LINGO1: variants seen among roughly 807,000 people sequenced by gnomAD.
LINGO1 encodes the protein leucine-rich repeat and immunoglobulin-like domain-containing nogo receptor-interacting protein 1.
LINGO1 carries 11 observed loss-of-function variants against 37.3 expected under a neutral mutation model. That is an observed-to-expected ratio of 0.29 (90% CI 0.19 to 0.49). The LOEUF (loss-of-function observed/expected upper bound fraction) is 0.49, where lower values mean the gene tolerates loss of function less well. Among genes scored for constraint, LINGO1 ranks in the 20% least tolerant of loss-of-function variants. The probability of loss-of-function intolerance (pLI) is 0.99; values close to 1 mark genes in which losing one functional copy is unlikely to be tolerated. For missense variants in LINGO1, 585 were observed against 878.2 expected (o/e 0.67, Z 4.22); for synonymous variants, 387 against 403.0 (o/e 0.96, Z 0.48).
chr15:77,801,486 C>T (rs1378340005), intron 1 of LINGO1, among the ~76,000 whole-genome samples: 1 of 152,222 alleles, frequency 6.6e-6, no homozygotes, highest in Non-Finnish European at 1.5e-5. Flanking sequence ...TTACAGCAAT[C>T]ACCTCCGAGC....
rs139926886 is a variant in LINGO1 at position 77,703,113 on chromosome 15, G to A, written c.-194-12212C>T. On this transcript the variant is annotated intron_variant, in intron 2 of 3. Transcript: ENST00000561686. ...TGAAGCAAACTGCTCTGTCCATCTC[G>A]CAGGCTCGCAGATAAGCCACGGCAA... 2.0e-4 allele frequency among the ~76,000 whole-genome samples: 31 copies of A among 152,272 alleles called. 1 individual carries two copies. The highest frequency in any genetic ancestry group is 7.2e-4 in the African/African-American group (30 of 41,554).
chr15:77,807,437 A>G (rs1157379347), intron 1 of LINGO1, among the ~76,000 whole-genome samples: 1 of 152,242 alleles, frequency 6.6e-6, no homozygotes, highest in African/African-American at 2.4e-5. Flanking sequence ...CGGGTGCAGC[A>G]GCCAGTCCTG....
chr15:77,770,622 CTG>C (rs2076575963), intron 1 of LINGO1, among the ~76,000 whole-genome samples: 1 of 144,456 alleles, frequency 6.9e-6, no homozygotes, highest in Admixed American at 6.8e-5. Context: ...GATATGGAAA[CTG>C]AGGCTCTGAG....
upstream of LINGO1, among the ~76,000 whole-genome samples, chr15:77,699,776 C>CATCTGCACACAGTAAGCACATA (rs1567532401): frequency 0.012 from 2 of 172 alleles, no homozygotes; most frequent in African/African-American, 0.016. Context: ...AACCATCATT[C>CATCTGCACACAGTAAGCACATA]CCCCCCTCTA....
At chr15:77,743,214 C>T (rs1285426226) in intron 1 of LINGO1, among the ~76,000 whole-genome samples, 3 of 152,146 alleles carry the variant, frequency 2.0e-5, no homozygotes, top group East Asian at 1.9e-4. Flanking sequence ...AGCACCTTTC[C>T]CTCCTCCCTC....
At chr15:77,724,422 G>A (rs1049773117) in intron 2 of LINGO1, among the ~76,000 whole-genome samples, 3 of 152,312 alleles carry the variant, frequency 2.0e-5, no homozygotes, top group African/African-American at 7.2e-5. Context: ...TATCAGGTCT[G>A]TGGGCCCTTT....
intron 2 of LINGO1, among the ~76,000 whole-genome samples, chr15:77,721,213 C>T (rs36067074): frequency 0.12 from 18,116 of 152,018 alleles, 1,392 homozygotes; most frequent in African/African-American, 0.21. Context: ...TCGTGAGACC[C>T]GGCCCTAACC....
intron 2 of LINGO1, among the ~76,000 whole-genome samples, chr15:77,730,113 C>T (rs2076140822): frequency 6.6e-6 from 1 of 151,912 alleles, no homozygotes; most frequent in Non-Finnish European, 1.5e-5. Context: ...AGGCCCCAGC[C>T]CTGTCCCTCT....
At chr15:77,775,963 A>T (rs894907802) in intron 1 of LINGO1, among the ~76,000 whole-genome samples, 3 of 151,834 alleles carry the variant, frequency 2.0e-5, no homozygotes, top group Non-Finnish European at 2.9e-5. Flanking sequence ...TCTGAGCCCC[A>T]GGCCTGGTGA....
rs569181686 is a variant in LINGO1, at chr15:77,731,154, G to A, written c.-195+3838C>T. Among the ~76,000 whole-genome samples the A allele has an allele frequency of 2.2e-4, 33 of 152,264 alleles. 1 individual carries two copies. In the South Asian group the frequency reaches 6.4e-3, roughly 30 times the overall value. On this transcript the variant is annotated intron_variant, in intron 2 of 3. Transcript: ENST00000561686. ...ACCCCTCCATCCTGGCAGGCAGGCT[G>A]GGGTGGGGGCAGAGTCATGGGAGGC...
intron 1 of LINGO1, among the ~76,000 whole-genome samples, chr15:77,760,560 T>C (rs994871183): frequency 1.3e-5 from 2 of 152,242 alleles, no homozygotes; most frequent in Non-Finnish European, 2.9e-5. Context: ...AGCAATCCGC[T>C]GGGGCTGATG....
intron 2 of LINGO1, among the ~76,000 whole-genome samples, chr15:77,681,190 T>C (rs1002954743): frequency 6.6e-6 from 1 of 151,802 alleles, no homozygotes; most frequent in Non-Finnish European, 1.5e-5. Flanking sequence ...ATTTTGATGA[T>C]GAGAAATTCA....
At chr15:77,708,947 C>T (rs1208689124) in intron 2 of LINGO1, among the ~76,000 whole-genome samples, 1 of 152,128 alleles carries the variant, frequency 6.6e-6, no homozygotes. Context: ...TGGACGTAGA[C>T]ACACTCAGGG....
chr15:77,790,441 G>A (rs756889034), upstream of LINGO1, among the ~76,000 whole-genome samples: 9 of 152,230 alleles, frequency 5.9e-5, 1 homozygote, highest in African/African-American at 1.7e-4. Context: ...CACCTGTAGC[G>A]ATGGCTGGAA....
upstream of LINGO1, among the ~76,000 whole-genome samples, chr15:77,633,225 G>T (rs2074321989): frequency 6.6e-6 from 1 of 152,064 alleles, no homozygotes; most frequent in African/African-American, 2.4e-5. Context: ...GCCGGGTGTC[G>T]GGGAGTCCGG....
chr15:77,703,140 G>A (rs1174223287), intron 2 of LINGO1, among the ~76,000 whole-genome samples: 2 of 152,138 alleles, frequency 1.3e-5, no homozygotes, highest in Non-Finnish European at 2.9e-5. Context: ...CCACGGCAAG[G>A]GGCTACTCCT....
At chr15:77,769,718 T>A (rs1041034547) in intron 1 of LINGO1, among the ~76,000 whole-genome samples, 1 of 152,132 alleles carries the variant, frequency 6.6e-6, no homozygotes, top group Non-Finnish European at 1.5e-5. Context: ...GCTGTTTATC[T>A]ACTCACCTCA....
chr15:77,686,202 C>T (rs560348542), intron 2 of LINGO1, among the ~76,000 whole-genome samples: 1 of 152,316 alleles, frequency 6.6e-6, no homozygotes, highest in Admixed American at 6.5e-5. Context: ...CCCCTGTCCC[C>T]CACCCAACTG....
intron 1 of LINGO1, among the ~76,000 whole-genome samples, chr15:77,813,445 G>A (rs2077022591): frequency 1.3e-5 from 2 of 152,162 alleles, no homozygotes; most frequent in South Asian, 2.1e-4. Flanking sequence ...GGGTCAGAAC[G>A]CCAGCCTGGA....
Sources: allele counts gnomAD v4.1 joint callset (sites outside exome capture counted in the v4.1 genomes callset), GRCh38; gene constraint gnomAD v4.1.1; transcripts MANE v1.5; gene names NCBI Gene and HGNC (gene_info 2026-07-23, HGNC 2026-07-21).